Variants in ADAMTS19 observed in about 807,000 individuals in gnomAD.
The protein encoded by ADAMTS19 is A disintegrin and metalloproteinase with thrombospondin motifs 19.
Under a neutral mutation model 153.3 loss-of-function variants are expected in ADAMTS19, and 93 were observed. The ratio of observed to expected loss-of-function variants is 0.61; its 90% CI spans 0.51 to 0.72. The LOEUF is 0.72. Among genes scored for constraint, ADAMTS19 ranks in the 30% least tolerant of loss-of-function variants. ADAMTS19 has a pLI of 0.00. For synonymous variants in ADAMTS19, 600 were observed against 556.6 expected, an observed-to-expected ratio of 1.08 and a Z score of -1.10; for missense variants, 1,482 against 1,552.1, an observed-to-expected ratio of 0.95 and a Z score of 0.76.
intron 15 of ADAMTS19, among the ~76,000 whole-genome samples, chr5:129,663,460 C>A (rs546802385): frequency 3.0e-4 from 45 of 152,296 alleles, no homozygotes; most frequent in African/African-American, 1.1e-3. Flanking sequence ...CAAATTTATT[C>A]AGTTATTACC....
chr5:129,609,763 A>T (rs1226560571), intron 8 of ADAMTS19, among the ~76,000 whole-genome samples: 8 of 152,152 alleles, frequency 5.3e-5, no homozygotes, highest in Admixed American at 5.2e-4. Flanking sequence ...ACGGAAAAAA[A>T]TCACCCAGCA....
intron 10 of ADAMTS19, among the ~76,000 whole-genome samples, chr5:129,632,080 T>C (rs750529296): frequency 2.8e-4 from 42 of 152,058 alleles, no homozygotes; most frequent in Non-Finnish European, 4.7e-4. Context: ...ATTAGGCTTG[T>C]CAGCAGCAGA....
At chr5:129,631,665 A>T (rs899670077) in intron 10 of ADAMTS19, among the ~76,000 whole-genome samples, 4 of 151,902 alleles carry the variant, frequency 2.6e-5, no homozygotes, top group African/African-American at 9.7e-5. Flanking sequence ...ATCTGATATT[A>T]ATCTGATTTT....
chr5:129,632,223 ACTCT>A (rs1193311015), intron 10 of ADAMTS19, among the ~76,000 whole-genome samples: 4 of 151,784 alleles, frequency 2.6e-5, no homozygotes, highest in African/African-American at 7.2e-5. Flanking sequence ...TAAAATATAA[ACTCT>A]CTATTTTTCT....
At chr5:129,612,655 A>T (rs1475846222) in intron 8 of ADAMTS19, among the ~76,000 whole-genome samples, 1 of 152,142 alleles carries the variant, frequency 6.6e-6, no homozygotes, top group African/African-American at 2.4e-5. Flanking sequence ...ACCAGCTAAC[A>T]TCATAATGAC....
rs557293754 is a variant in ADAMTS19 at position 129,477,040 on chromosome 5, T to C, written c.747+15283T>C. Among the ~76,000 whole-genome samples, 3 of 152,290 alleles carry C rather than the reference T, an allele frequency of 2.0e-5. No homozygotes were observed. In the South Asian group the frequency reaches 6.2e-4, roughly 32 times the overall value. Reference sequence around the variant, plus strand: ...ATTTAAGTCTTTTGCTTTAGAATAATAATATATATAGATATACACAGGAAA... The same window carrying C: ...ATTTAAGTCTTTTGCTTTAGAATAACAATATATATAGATATACACAGGAAA... On this transcript the variant is annotated intron_variant, in intron 2 of 22. Coordinates refer to ENST00000274487, the MANE Select transcript of ADAMTS19 (RefSeq NM_133638.6).
intron 2 of ADAMTS19, among the ~76,000 whole-genome samples, chr5:129,500,974 T>C (rs554264767): frequency 6.6e-6 from 1 of 152,276 alleles, no homozygotes; most frequent in Non-Finnish European, 1.5e-5. Flanking sequence ...TTCTAAAATA[T>C]ATCTATGCCT....
At chr5:129,468,436 T>C (rs887646482) in intron 2 of ADAMTS19, among the ~76,000 whole-genome samples, 3 of 152,126 alleles carry the variant, frequency 2.0e-5, no homozygotes, top group Admixed American at 6.5e-5. Flanking sequence ...TCACTGCAGC[T>C]TCTGCCTCCC....
chr5:129,656,976 T>C (rs1205094925), intron 14 of ADAMTS19, among the ~76,000 whole-genome samples: 1 of 152,212 alleles, frequency 6.6e-6, no homozygotes, highest in Admixed American at 6.5e-5. Context: ...TTTTTCCCCA[T>C]TGGAACATGG....
intron 16 of ADAMTS19, among the ~76,000 whole-genome samples, chr5:129,671,349 A>G (rs757908213): frequency 1.3e-5 from 2 of 152,172 alleles, no homozygotes; most frequent in Non-Finnish European, 2.9e-5. Context: ...TAATAGTAAC[A>G]CCAATGTAGG....
chr5:129,713,368 T>C (rs1756567331), intron 21 of ADAMTS19, among the ~76,000 whole-genome samples: 1 of 152,166 alleles, frequency 6.6e-6, no homozygotes, highest in African/African-American at 2.4e-5. Context: ...CATAACCAGA[T>C]AACCAGGATA....
chr5:129,667,378 C>T (rs556456221), intron 16 of ADAMTS19, among the ~76,000 whole-genome samples: 1 of 152,190 alleles, frequency 6.6e-6, no homozygotes, highest in East Asian at 1.9e-4. Context: ...TTCATAGGTA[C>T]CTCAGAAATA....
chr5:129,462,619 G>A (rs900265406), intron 2 of ADAMTS19, among the ~76,000 whole-genome samples: 3 of 151,136 alleles, frequency 2.0e-5, no homozygotes, highest in Admixed American at 1.3e-4. Context: ...GTGTGTGTGG[G>A]GGGGTCAAAT....
chr5:129,504,860 T>TAC (rs1424334829), intron 2 of ADAMTS19, among the ~76,000 whole-genome samples: 328 of 95,854 alleles, frequency 3.4e-3, no homozygotes, highest in African/African-American at 0.014. Context: ...GTATTCTGTC[T>TAC]ACACACACAC....
chr5:129,568,626 C>G (rs1053377111), intron 7 of ADAMTS19, among the ~76,000 whole-genome samples: 2 of 151,920 alleles, frequency 1.3e-5, no homozygotes, highest in African/African-American at 4.8e-5. Flanking sequence ...TTGAGACCAG[C>G]CTGGGTAACA....
chr5:129,512,422 A>G (rs979543281), intron 3 of ADAMTS19, among the ~76,000 whole-genome samples: 13 of 152,096 alleles, frequency 8.5e-5, no homozygotes, highest in Non-Finnish European at 1.6e-4. Flanking sequence ...GTTTTTATAC[A>G]TGCATTTGGA....
intron 7 of ADAMTS19, among the ~76,000 whole-genome samples, chr5:129,568,154 G>A (rs1753778060): frequency 6.6e-6 from 1 of 152,174 alleles, no homozygotes; most frequent in Non-Finnish European, 1.5e-5. Flanking sequence ...AGTTCTAACA[G>A]AAGGGAAATG....
intron 18 of ADAMTS19, among the ~76,000 whole-genome samples, chr5:129,690,904 T>C: frequency 6.6e-6 from 1 of 152,208 alleles, no homozygotes; most frequent in Non-Finnish European, 1.5e-5. Context: ...GTTCTATAAT[T>C]TAATTTAAAA....
At chr5:129,681,286 G>A (rs974224154) in intron 17 of ADAMTS19, among the ~76,000 whole-genome samples, 5 of 152,076 alleles carry the variant, frequency 3.3e-5, no homozygotes, top group Admixed American at 2.6e-4. Flanking sequence ...CACCTTCCAC[G>A]TGATACTGCT....
Sources: allele counts gnomAD v4.1 joint callset (sites outside exome capture counted in the v4.1 genomes callset), GRCh38; gene constraint gnomAD v4.1.1; transcripts MANE v1.5; gene names NCBI Gene and HGNC (gene_info 2026-07-23, HGNC 2026-07-21).